The following STXBP5L variants were observed in gnomAD, a reference collection of about 807,000 sequenced individuals.
STXBP5L encodes the protein syntaxin binding protein 5L.
STXBP5L carries 65 observed loss-of-function variants against 144.5 expected under a neutral mutation model. That is an observed-to-expected ratio of 0.45 (90% CI 0.37 to 0.55). The LOEUF (loss-of-function observed/expected upper bound fraction) is 0.55. Ranked by LOEUF, STXBP5L falls within the 20% of genes least tolerant of loss-of-function variation. STXBP5L has a pLI of 0.00. For missense variants in STXBP5L, 1,298 were observed against 1,405.5 expected (o/e 0.92, Z 1.22); for synonymous variants, 505 against 469.6 (o/e 1.08, Z -0.97).
chr3:121,351,373 G>A (rs2045275514), intron 20 of STXBP5L, among the ~76,000 whole-genome samples: 1 of 152,078 alleles, frequency 6.6e-6, no homozygotes, highest in African/African-American at 2.4e-5. Context: ...GCCCCTAATG[G>A]GGGGTGCCTC....
At chr3:121,098,662 A>G (rs1364866824) in intron 5 of STXBP5L, among the ~76,000 whole-genome samples, 36 of 152,180 alleles carry the variant, frequency 2.4e-4, no homozygotes, top group Non-Finnish European at 1.9e-4. Context: ...ATGGAATGCT[A>G]AAGTTCAAGT....
intron 19 of STXBP5L, among the ~76,000 whole-genome samples, chr3:121,303,377 A>C (rs2052008267): frequency 6.6e-6 from 1 of 152,116 alleles, no homozygotes; most frequent in Non-Finnish European, 1.5e-5. Context: ...GTCAGGAAAC[A>C]ACAGGTGCTG....
intron 5 of STXBP5L, among the ~76,000 whole-genome samples, chr3:121,048,798 G>T (rs536980829): frequency 6.6e-6 from 1 of 151,432 alleles, no homozygotes; most frequent in East Asian, 1.9e-4. Context: ...CGATTATCCT[G>T]CCTCAGCCTC....
intron 9 of STXBP5L, among the ~76,000 whole-genome samples, chr3:121,167,525 G>C (rs1409995419): frequency 1.3e-5 from 2 of 152,074 alleles, no homozygotes; most frequent in African/African-American, 2.4e-5. Flanking sequence ...GGCTTGAGTA[G>C]GCTGTTTTCC....
chr3:121,260,263 G>T (rs925356661), intron 18 of STXBP5L, among the ~76,000 whole-genome samples: 2 of 152,050 alleles, frequency 1.3e-5, no homozygotes, highest in Non-Finnish European at 2.9e-5. Flanking sequence ...TGTCTGTAAA[G>T]TTGTTGGCCT....
At chr3:121,158,575 C>T in intron 9 of STXBP5L, 1 of 152,100 alleles carries the variant, frequency 6.6e-6, no homozygotes, top group East Asian at 1.9e-4. Context: ...AGCTGGTTTA[C>T]TTAGAGATTA....
chr3:121,225,954 A>G (rs2049110233), intron 11 of STXBP5L, among the ~76,000 whole-genome samples: 1 of 152,202 alleles, frequency 6.6e-6, no homozygotes, highest in Non-Finnish European at 1.5e-5. Flanking sequence ...CCTGTTGACA[A>G]TAGAAGGCTT....
intron 5 of STXBP5L, among the ~76,000 whole-genome samples, chr3:121,080,320 A>T (rs192680688): frequency 2.2e-4 from 34 of 152,270 alleles, no homozygotes; most frequent in Admixed American, 1.5e-3. Context: ...GGCCATTTAC[A>T]TTCAATATTA....
At chr3:121,006,926 G>A (rs1944364766) in intron 3 of STXBP5L, among the ~76,000 whole-genome samples, 2 of 152,168 alleles carry the variant, frequency 1.3e-5, no homozygotes, top group South Asian at 4.1e-4. Flanking sequence ...TCACCTGTTA[G>A]TCTGATGGGC....
chr3:121,337,439 TAAAAAA>T (rs59662899), intron 20 of STXBP5L, among the ~76,000 whole-genome samples: 1 of 71,076 alleles, frequency 1.4e-5, no homozygotes, highest in South Asian at 4.8e-4. Context: ...GCAACAACAG[TAAAAAA>T]AAAAAAAAAA....
At chr3:121,196,255 G>C (rs1033997076) in intron 9 of STXBP5L, among the ~76,000 whole-genome samples, 2 of 151,590 alleles carry the variant, frequency 1.3e-5, no homozygotes, top group Non-Finnish European at 2.9e-5. Context: ...TGCCTCCCGG[G>C]TTCAAGCAAT....
chr3:121,206,389 G>A (rs542409007), intron 10 of STXBP5L, among the ~76,000 whole-genome samples: 43 of 152,254 alleles, frequency 2.8e-4, no homozygotes, highest in Non-Finnish European at 4.4e-5. Context: ...ACATTCTGAA[G>A]TTGGAAGATT....
At chr3:121,250,259 G>T (rs1056753972) in intron 14 of STXBP5L, among the ~76,000 whole-genome samples, 71 of 151,858 alleles carry the variant, frequency 4.7e-4, no homozygotes, top group African/African-American at 1.7e-3. Context: ...AGTTTTTATA[G>T]AATTGACATT....
intron 20 of STXBP5L, among the ~76,000 whole-genome samples, chr3:121,341,085 G>A (rs2044692500): frequency 1.3e-5 from 2 of 151,972 alleles, no homozygotes; most frequent in South Asian, 4.1e-4. Flanking sequence ...CCACAGAATG[G>A]GAGAAAATAT....
At chr3:121,292,921 A>G (rs1337128662) in intron 19 of STXBP5L, among the ~76,000 whole-genome samples, 1 of 152,180 alleles carries the variant, frequency 6.6e-6, no homozygotes, top group Non-Finnish European at 1.5e-5. Flanking sequence ...AAGATGACAC[A>G]TTGGGTACAG....
chr3:121,095,298 C>T (rs1220251428), intron 5 of STXBP5L, among the ~76,000 whole-genome samples: 2 of 152,014 alleles, frequency 1.3e-5, no homozygotes, highest in Non-Finnish European at 2.9e-5. Flanking sequence ...ATCTTTGTGG[C>T]ATTCTCTGTA....
intron 2 of STXBP5L, among the ~76,000 whole-genome samples, chr3:120,942,709 T>C (rs904693935): frequency 8.6e-5 from 13 of 151,526 alleles, no homozygotes; most frequent in African/African-American, 3.1e-4. Context: ...AATTTGTTTC[T>C]ATTTTCTTGT....
intron 20 of STXBP5L, among the ~76,000 whole-genome samples, chr3:121,374,424 A>G (rs72969922): frequency 1.3e-5 from 2 of 152,186 alleles, no homozygotes; most frequent in African/African-American, 4.8e-5. Flanking sequence ...GATACCTCCA[A>G]AGGAACACAA....
intron 2 of STXBP5L, among the ~76,000 whole-genome samples, chr3:120,953,518 T>G (rs1392430563): frequency 6.7e-6 from 1 of 149,932 alleles, no homozygotes; most frequent in Admixed American, 6.7e-5. Flanking sequence ...TTTTTTTTTT[T>G]GTAGAGATGG....
Sources: allele counts gnomAD v4.1 joint callset (sites outside exome capture counted in the v4.1 genomes callset), GRCh38; gene constraint gnomAD v4.1.1; transcripts MANE v1.5; gene names NCBI Gene and HGNC (gene_info 2026-07-23, HGNC 2026-07-21).